The following CCDC125 variants were observed in gnomAD, a reference collection of about 807,000 sequenced individuals.
CCDC125 encodes the protein coiled-coil domain-containing protein 125.
A neutral mutation model predicts 57.4 loss-of-function variants in CCDC125; 43 were observed. The observed-to-expected ratio is 0.75, with a 90% confidence interval of 0.59 to 0.97. The LOEUF (loss-of-function observed/expected upper bound fraction) is 0.97. Among genes scored for constraint, CCDC125 ranks in the 50% least tolerant of loss-of-function variants. The pLI, the probability that CCDC125 is intolerant of heterozygous loss-of-function variation, is 0.00. For synonymous variants in CCDC125, 187 were observed against 195.2 expected, an observed-to-expected ratio of 0.96 and a Z score of 0.35; for missense variants, 563 against 595.7, an observed-to-expected ratio of 0.95 and a Z score of 0.57.
the CCDC125 span, chr5:69,273,041 G>A: frequency 6.6e-7 from 1 of 1,517,532 alleles, no homozygotes. Context: ...CGGCCACACA[G>A]GTATTTTGGT....
chr5:69,323,339 CA>C (rs1291306199), intron 1 of CCDC125, among the ~76,000 whole-genome samples: 1 of 151,834 alleles, frequency 6.6e-6, no homozygotes, highest in Non-Finnish European at 1.5e-5. Context: ...ATTTGTTAAT[CA>C]AAAAGGTATC....
chr5:69,322,861 A>C (rs913191855), intron 1 of CCDC125, among the ~76,000 whole-genome samples: 3 of 151,178 alleles, frequency 2.0e-5, no homozygotes, highest in Admixed American at 1.3e-4. Context: ...GCACTGGCCC[A>C]AAAATTTTTT....
At chr5:69,315,321 G>A (rs988094508) in intron 2 of CCDC125, among the ~76,000 whole-genome samples, 13 of 151,478 alleles carry the variant, frequency 8.6e-5, no homozygotes, top group Non-Finnish European at 1.9e-4. Flanking sequence ...CCAGCACTTT[G>A]GGAGGCTGAG....
intron 2 of CCDC125, among the ~76,000 whole-genome samples, chr5:69,317,340 C>T (rs1283777569): frequency 1.3e-5 from 2 of 152,106 alleles, no homozygotes; most frequent in African/African-American, 4.8e-5. Context: ...ATCTTAGCAT[C>T]ATGCTCAGTT....
At chr5:69,289,798 G>A (rs1486124484) in intron 10 of CCDC125, among the ~76,000 whole-genome samples, 1 of 150,112 alleles carries the variant, frequency 6.7e-6, no homozygotes, top group Non-Finnish European at 1.5e-5. Context: ...ATGAGGTAGA[G>A]GCTGCAGTGA....
chr5:69,274,035 A>G, the CCDC125 span, among the ~76,000 whole-genome samples: 1 of 152,112 alleles, frequency 6.6e-6, no homozygotes, highest in Non-Finnish European at 1.5e-5. Flanking sequence ...TACTCTTTTA[A>G]TTTCAAACAA....
At chr5:69,313,917 C>T (rs1158240362) in intron 3 of CCDC125, 68 bp downstream of exon 3, 19 of 1,143,640 alleles carry the variant, frequency 1.7e-5, no homozygotes, top group Middle Eastern at 1.9e-4. Flanking sequence ...CTGCAGAAGA[C>T]GAGAGCACTG....
intron 1 of CCDC125, among the ~76,000 whole-genome samples, chr5:69,327,089 T>A (rs1409833736): frequency 8.0e-6 from 1 of 124,412 alleles, no homozygotes; most frequent in Non-Finnish European, 1.6e-5. Flanking sequence ...CTGTATATTC[T>A]CCCACTTTTT....
At position 69,282,049 on chromosome 5, in the gene CCDC125, C is replaced by T. The variant is rs1418364128; in HGVS notation, c.*680G>A. ...GGGATTACAGGCATGCGCCACTAGG[C>T]CTAGCTAATTTTTTGTATTTTTAGT... On this transcript the variant is annotated 3_prime_UTR_variant, in exon 12 of 12. Transcript: ENST00000396496. The T allele has an allele frequency of 6.6e-6, 1 of 151,968 alleles. No homozygotes were observed. Among genetic ancestry groups the T allele is most frequent in the Non-Finnish European group, 1.5e-5 (1 of 68,040 alleles). 9.4% of individuals were successfully genotyped at this position (151,968 alleles called of 1,614,324 possible).
At chr5:69,273,353 T>C in the CCDC125 span, among the ~76,000 whole-genome samples, 1 of 152,196 alleles carries the variant, frequency 6.6e-6, no homozygotes, top group Middle Eastern at 3.2e-3. Context: ...CAAGGCTTTT[T>C]ATTTGTTAAG....
chr5:69,301,603 G>A (rs1467984882), intron 7 of CCDC125, among the ~76,000 whole-genome samples: 2 of 152,042 alleles, frequency 1.3e-5, no homozygotes, highest in Non-Finnish European at 2.9e-5. Flanking sequence ...GGGAATGATG[G>A]CAGGTGCCTA....
chr5:69,292,131 T>C lies in CCDC125; in HGVS notation c.1099+57A>G, dbSNP rs1292754116. 17 of 1,437,152 alleles carry C rather than the reference T, an allele frequency of 1.2e-5. No individual in the cohort carries two copies. In the South Asian group the frequency reaches 2.1e-4, roughly 18 times the overall value. 89.0% of individuals were successfully genotyped at this position (1,437,152 alleles called of 1,614,324 possible). On this transcript the variant is annotated intron_variant, in intron 10 of 11. Transcript: ENST00000396496. ...ATTAAGTGTGCTTCATCAACTTGGA[T>C]TATAAACAAAACAACTAAAATTACA...
At chr5:69,307,657 G>C (rs1757538310) in intron 5 of CCDC125, 1 of 301,380 alleles carries the variant, frequency 3.3e-6, no homozygotes. Flanking sequence ...ACTCCAGCCT[G>C]GGCGACAGAG....
At chr5:69,287,689 C>A (rs1753742395) in intron 10 of CCDC125, among the ~76,000 whole-genome samples, 1 of 151,852 alleles carries the variant, frequency 6.6e-6, no homozygotes, top group Non-Finnish European at 1.5e-5. Flanking sequence ...CCCACTTCAG[C>A]CTCCCTAGTA....
intron 2 of CCDC125, among the ~76,000 whole-genome samples, chr5:69,315,461 AC>A (rs1205652141): frequency 0.024 from 217 of 9,004 alleles, 2 homozygotes; most frequent in Non-Finnish European, 0.064. Context: ...AAAAAAAAAA[AC>A]AAAAAAAAAA....
intron 1 of CCDC125, among the ~76,000 whole-genome samples, chr5:69,331,715 G>A (rs914773819): frequency 6.6e-6 from 1 of 152,008 alleles, no homozygotes; most frequent in African/African-American, 2.4e-5. Flanking sequence ...GCTCAGCTTG[G>A]TCACCTGCAA....
At chr5:69,326,768 A>ACCTCATGATCTGCCT (rs1760783096) in intron 1 of CCDC125, among the ~76,000 whole-genome samples, 1 of 152,090 alleles carries the variant, frequency 6.6e-6, no homozygotes, top group Non-Finnish European at 1.5e-5. Context: ...ACTTAACTTC[A>ACCTCATGATCTGCCT]GGCTGGGAAT....
chr5:69,311,369 C>T (rs1463192891), intron 3 of CCDC125, among the ~76,000 whole-genome samples, 165 bp from the exon 4 acceptor site: 2 of 152,112 alleles, frequency 1.3e-5, no homozygotes, highest in African/African-American at 4.8e-5. Flanking sequence ...TTGAAAGCCT[C>T]GGCCGGGCAA....
intron 2 of CCDC125, among the ~76,000 whole-genome samples, chr5:69,316,389 T>C (rs1471151055): frequency 6.6e-6 from 1 of 152,146 alleles, no homozygotes; most frequent in African/African-American, 2.4e-5. Context: ...GTTAGAGTGA[T>C]ATGATGTGAG....
Sources: allele counts gnomAD v4.1 joint callset (sites outside exome capture counted in the v4.1 genomes callset), GRCh38; gene constraint gnomAD v4.1.1; transcripts MANE v1.5; gene names NCBI Gene and HGNC (gene_info 2026-07-23, HGNC 2026-07-21).